Variants in KCNMA1 observed in about 807,000 individuals in gnomAD.
KCNMA1 encodes the protein Calcium-activated potassium channel subunit alpha-1.
Under a neutral mutation model 140.0 loss-of-function variants are expected in KCNMA1, and 29 were observed. The observed-to-expected ratio is 0.21, with a 90% CI of 0.15 to 0.28. KCNMA1 has a LOEUF of 0.28. Ranked by LOEUF, KCNMA1 falls within the 10% of genes least tolerant of loss-of-function variation. The pLI is 1.00. For synonymous variants in KCNMA1, 612 were observed against 611.9 expected, an observed-to-expected ratio of 1.00 and a Z score of 0.00; for missense variants, 880 against 1,602.2, an observed-to-expected ratio of 0.55 and a Z score of 7.70.
chr10:77,453,843 A>T (rs2154521211), intron 1 of KCNMA1, among the ~76,000 whole-genome samples: 1 of 152,268 alleles, frequency 6.6e-6, no homozygotes, highest in Middle Eastern at 3.4e-3. Context: ...GAGCAGACAG[A>T]ACATTTCCCA....
At chr10:77,074,910 T>C (rs1457097694) in intron 13 of KCNMA1, among the ~76,000 whole-genome samples, 2 of 152,202 alleles carry the variant, frequency 1.3e-5, no homozygotes, top group Non-Finnish European at 2.9e-5. Context: ...GAGCATTCCC[T>C]TCACTTTCAG....
At chr10:77,596,556 A>C (rs996266995) in intron 1 of KCNMA1, among the ~76,000 whole-genome samples, 2 of 152,206 alleles carry the variant, frequency 1.3e-5, no homozygotes, top group African/African-American at 4.8e-5. Flanking sequence ...AATCAAGCGC[A>C]TACCCACAGA....
At chr10:77,246,200 A>G (rs1312835740) in intron 3 of KCNMA1, among the ~76,000 whole-genome samples, 1 of 152,226 alleles carries the variant, frequency 6.6e-6, no homozygotes, top group Non-Finnish European at 1.5e-5. Flanking sequence ...TAGAAGAGAG[A>G]TGGCTTTAGA....
chr10:77,489,252 A>G lies in KCNMA1; in HGVS notation c.379-85229T>C, dbSNP rs139087524. Among the ~76,000 whole-genome samples the G allele has an allele frequency of 2.3e-3, 353 of 152,346 alleles. 6 individuals are homozygous for G. In the South Asian group the frequency reaches 0.026, roughly 11 times the overall value. On this transcript the variant is annotated intron_variant, in intron 1 of 27. Coordinates refer to ENST00000286628, the MANE Select transcript of KCNMA1 (RefSeq NM_001161352.2). ...ATAGGGCATACTTAAACTAAAAACTAAAAACCAAAAACCTATCTTGCTTAT... is the reference window on the plus strand; with the variant it reads ...ATAGGGCATACTTAAACTAAAAACTGAAAACCAAAAACCTATCTTGCTTAT...
intron 2 of KCNMA1, among the ~76,000 whole-genome samples, chr10:77,299,124 T>G (rs1367624519): frequency 3.3e-5 from 5 of 152,144 alleles, no homozygotes; most frequent in African/African-American, 1.2e-4. Context: ...AAATTTAGAT[T>G]TGCATGCTGA....
At chr10:77,268,356 G>C (rs1301125196) in intron 2 of KCNMA1, among the ~76,000 whole-genome samples, 1 of 152,148 alleles carries the variant, frequency 6.6e-6, no homozygotes, top group Non-Finnish European at 1.5e-5. Context: ...AGACACTCAT[G>C]CTGTTCGCAG....
At chr10:77,066,424 G>T (rs1393792878) in intron 14 of KCNMA1, among the ~76,000 whole-genome samples, 1 of 152,160 alleles carries the variant, frequency 6.6e-6, no homozygotes, top group Non-Finnish European at 1.5e-5. Flanking sequence ...TTCAGCCATG[G>T]GAAGGATGGC....
intron 2 of KCNMA1, among the ~76,000 whole-genome samples, chr10:77,275,211 A>G (rs572866269): frequency 1.3e-3 from 204 of 152,340 alleles, no homozygotes; most frequent in Admixed American, 3.2e-3. Context: ...ATCTGAAAGC[A>G]CAACCCTGAG....
chr10:77,151,761 A>C (rs532741231), intron 5 of KCNMA1, among the ~76,000 whole-genome samples: 1 of 152,308 alleles, frequency 6.6e-6, no homozygotes, highest in South Asian at 2.1e-4. Context: ...CAGTTGACTC[A>C]CCTTGTGCAA....
At chr10:77,619,303 T>C (rs1424322762) in intron 1 of KCNMA1, among the ~76,000 whole-genome samples, 2 of 96,012 alleles carry the variant, frequency 2.1e-5, no homozygotes, top group African/African-American at 9.7e-5. Context: ...GTAGTGTCTC[T>C]CTGTCTGTCT....
At position 77,636,981 on chromosome 10, in the gene KCNMA1, G is replaced by A. The variant is rs1003288272; in HGVS notation, c.378+284C>T. ...CCCGAGCCTGTGAGTCCCCGACCCC[G>A]GCCCCAGCCGCAGCCGCCAACAACC... On this transcript the variant is annotated intron_variant, in intron 1 of 27. Coordinates refer to ENST00000286628, the MANE Select transcript of KCNMA1 (RefSeq NM_001161352.2). The A allele has an allele frequency of 1.4e-6, 2 of 1,404,436 alleles. No individual in the cohort carries two copies. Among genetic ancestry groups the A allele is most frequent in the African/African-American group, 1.5e-5 (1 of 68,326 alleles). 87.0% of individuals were successfully genotyped at this position (1,404,436 alleles called of 1,614,324 possible).
chr10:77,620,089 G>A (rs1034239956), intron 1 of KCNMA1, among the ~76,000 whole-genome samples: 9 of 152,232 alleles, frequency 5.9e-5, no homozygotes, highest in South Asian at 4.1e-4. Context: ...GCTCCTGACC[G>A]TGAGGGGTCA....
chr10:76,937,082 A>G (rs1018421795), intron 23 of KCNMA1, among the ~76,000 whole-genome samples: 1 of 152,184 alleles, frequency 6.6e-6, no homozygotes, highest in African/African-American at 2.4e-5. Flanking sequence ...CATCACAAAG[A>G]GCGTGTCAGT....
At chr10:76,871,809 T>G (rs2031394064) in exon 28 of KCNMA1, 1 of 152,254 alleles carries the variant, frequency 6.6e-6, no homozygotes, top group Non-Finnish European at 1.5e-5. Flanking sequence ...ATTTCTCCCT[T>G]GTTTCAACTC....
intron 2 of KCNMA1, among the ~76,000 whole-genome samples, chr10:77,345,427 A>G (rs2154380279): frequency 6.6e-6 from 1 of 152,244 alleles, no homozygotes; most frequent in East Asian, 1.9e-4. Context: ...GAAAAATTAA[A>G]CCAAAGATCA....
intron 5 of KCNMA1, among the ~76,000 whole-genome samples, chr10:77,174,395 G>A (rs533794364): frequency 6.6e-6 from 1 of 152,156 alleles, no homozygotes; most frequent in Non-Finnish European, 1.5e-5. Context: ...AAAGTAAAAA[G>A]CCATGGTGTG....
At chr10:77,493,499 T>C (rs1665270920) in intron 1 of KCNMA1, among the ~76,000 whole-genome samples, 1 of 152,232 alleles carries the variant, frequency 6.6e-6, no homozygotes, top group African/African-American at 2.4e-5. Flanking sequence ...GCAGTGAGAA[T>C]GCACGCCCAA....
chr10:77,028,389 G>A (rs1292074590), intron 15 of KCNMA1, among the ~76,000 whole-genome samples: 1 of 152,038 alleles, frequency 6.6e-6, no homozygotes, highest in East Asian at 1.9e-4. Context: ...CATGACGATG[G>A]CATTGTCACT....
chr10:77,168,900 T>C (rs2098672239), intron 5 of KCNMA1, among the ~76,000 whole-genome samples: 1 of 152,198 alleles, frequency 6.6e-6, no homozygotes, highest in African/African-American at 2.4e-5. Context: ...TAAGGCTTTT[T>C]TGGGTCCTAT....
Sources: allele counts gnomAD v4.1 joint callset (sites outside exome capture counted in the v4.1 genomes callset), GRCh38; gene constraint gnomAD v4.1.1; transcripts MANE v1.5; gene names NCBI Gene and HGNC (gene_info 2026-07-23, HGNC 2026-07-21).